The following TTLL12 variants were observed in gnomAD, a reference collection of about 807,000 sequenced individuals.
TTLL12 encodes the protein tubulin tyrosine ligase like 12, also known as tubulin--tyrosine ligase-like protein 12.
A neutral mutation model predicts 79.6 loss-of-function variants in TTLL12; 77 were observed. The observed-to-expected ratio is 0.97, with a 90% CI of 0.81 to 1.17. The LOEUF (loss-of-function observed/expected upper bound fraction) is 1.17, where lower values mean the gene tolerates loss of function less well. TTLL12 is among the 50% of genes most tolerant of loss of function. The pLI is 0.00. For missense variants in TTLL12, 969 were observed against 895.9 expected (o/e 1.08, Z -1.04); for synonymous variants, 437 against 376.1 (o/e 1.16, Z -1.87).
chr22:43,175,420 G>C (rs1931879499), intron 6 of TTLL12: 1 of 152,262 alleles, frequency 6.6e-6, no homozygotes, highest in Non-Finnish European at 1.5e-5. Flanking sequence ...GCCAGCAAAG[G>C]CTCCCTGCTG....
intron 9 of TTLL12, 81 bp downstream of exon 9, chr22:43,173,634 T>C (rs1931820736): frequency 7.3e-7 from 1 of 1,360,588 alleles, no homozygotes; most frequent in Admixed American, 2.1e-5. Context: ...ATAAGGACCA[T>C]GATGCTCGGT....
intron 5 of TTLL12, among the ~76,000 whole-genome samples, chr22:43,177,225 G>A (rs746609938): frequency 4.0e-5 from 6 of 151,560 alleles, no homozygotes; most frequent in African/African-American, 7.3e-5. Flanking sequence ...AATAATTAGC[G>A]GGGCTTGGTA....
rs1214636681 is a variant in TTLL12, at chr22:43,174,356, C to T, written c.1082G>A (p.Cys361Tyr). ...RPGVLLNQFP[C>Y]ENLLTVKDCL... ...GTCCTTGACAGTCAGCAGGTTCTCG[C>T]AGGGGAACTGGTTCAGCAGCACGCC... The change falls in exon 8 of 14, where the codon TGC (cysteine) becomes TAC (tyrosine). Residue 361 changes from cysteine to tyrosine, a missense_variant. Coordinates refer to ENST00000216129, the MANE Select transcript of TTLL12 (RefSeq NM_015140.4). The T allele has an allele frequency of 1.9e-6, 3 of 1,592,004 alleles. No individual in the cohort carries two copies. The highest frequency in any genetic ancestry group is 1.3e-5 in the African/African-American group (1 of 74,422).
intron 2 of TTLL12, 77 bp from the exon 3 acceptor site, chr22:43,181,017 G>C: frequency 6.8e-7 from 1 of 1,478,040 alleles, no homozygotes; most frequent in Non-Finnish European, 9.2e-7. Flanking sequence ...AGAGGCCCAG[G>C]GCTGTGTTGG....
intron 2 of TTLL12, among the ~76,000 whole-genome samples, chr22:43,182,331 C>T (rs543094035): frequency 2.6e-5 from 4 of 152,344 alleles, no homozygotes; most frequent in Non-Finnish European, 4.4e-5. Flanking sequence ...ACTGCCCACT[C>T]CCAGCTGGAG....
At chr22:43,169,130 C>G (rs1931696609) in intron 12 of TTLL12, among the ~76,000 whole-genome samples, 1 of 152,236 alleles carries the variant, frequency 6.6e-6, no homozygotes, top group Non-Finnish European at 1.5e-5. Context: ...TGCCGCAGAC[C>G]CCGTTGCTCC....
chr22:43,169,889 C>T (rs1433089144), intron 11 of TTLL12: 1 of 476,280 alleles, frequency 2.1e-6, no homozygotes, highest in Non-Finnish European at 4.2e-6. Context: ...ACATCGAGGG[C>T]TCCAGAAACT....
At chr22:43,168,195 G>A (rs769969574) in intron 13 of TTLL12, 36 bp from the exon 14 acceptor site, 16 of 1,604,976 alleles carry the variant, frequency 1.0e-5, no homozygotes, top group Admixed American at 1.7e-5. Context: ...GTGAAGGCTC[G>A]TTGGCCTCCA....
At chr22:43,170,934 A>C (rs1931749311) in intron 11 of TTLL12, among the ~76,000 whole-genome samples, 3 of 152,300 alleles carry the variant, frequency 2.0e-5, no homozygotes, top group Middle Eastern at 3.4e-3. Flanking sequence ...AAAACAAAAC[A>C]AAAAACCTAA....
chr22:43,167,892 G>A lies in TTLL12; in HGVS notation c.*116C>T. The A allele has an allele frequency of 3.7e-6, 5 of 1,357,684 alleles. No individual in the cohort carries two copies. The highest frequency in any genetic ancestry group is 5.1e-6 in the Non-Finnish European group (5 of 985,526). 84.1% of individuals were successfully genotyped at this position (1,357,684 alleles called of 1,614,324 possible). ...TGGCTCGGCAGGACAGAGGCCTGGG[G>A]CTGAGGCTATGCCCAGGGCCGGTGT... is the stretch of plus-strand genomic sequence containing the variant. On this transcript the variant is annotated 3_prime_UTR_variant, in exon 14 of 14. Coordinates refer to ENST00000216129, the MANE Select transcript of TTLL12 (RefSeq NM_015140.4).
In TTLL12 at chr22:43,179,545, C is replaced by T. The variant is rs192227431; in HGVS notation, c.840+74G>A. On this transcript the variant is annotated intron_variant, in intron 5 of 13. Coordinates refer to ENST00000216129, the MANE Select transcript of TTLL12 (RefSeq NM_015140.4). Reference sequence around the variant, plus strand: ...CTGGCACCCGGCTGGGGTTTGATAACATTTGGTGTGTGCACAGAGAACATT... The same window carrying T: ...CTGGCACCCGGCTGGGGTTTGATAATATTTGGTGTGTGCACAGAGAACATT... The T allele has an allele frequency of 7.0e-5, 103 of 1,471,874 alleles. No homozygotes were observed. The East Asian group carries it at 2.5e-3, about 36-fold the overall frequency. The allele number at this position is 1,471,874 out of a possible 1,614,324, so 91.2% of individuals were successfully genotyped here.
At chr22:43,186,198 C>CCCG (rs1555982135) in intron 1 of TTLL12, among the ~76,000 whole-genome samples, 26 of 148,682 alleles carry the variant, frequency 1.7e-4, no homozygotes, top group Non-Finnish European at 3.0e-4. Context: ...CACCCCCCCC[C>CCCG]CCGCCAGCCC....
intron 6 of TTLL12, chr22:43,175,337 A>G (rs1931877030): frequency 6.6e-6 from 1 of 152,280 alleles, no homozygotes; most frequent in South Asian, 2.1e-4. Flanking sequence ...CTCAACAGCC[A>G]CACCTGCAGC....
chr22:43,174,208 C>G lies in TTLL12; in HGVS notation c.1229+1G>C, dbSNP rs1465876725. The G allele has an allele frequency of 2.5e-6, 4 of 1,601,046 alleles. No homozygotes were observed. In the South Asian group the frequency reaches 3.3e-5, roughly 13 times the overall value. On this transcript the variant is annotated splice_donor_variant, in intron 8 of 13. Transcript: ENST00000216129. LOFTEE classifies it high-confidence loss of function. Reference sequence around the variant, plus strand: ...ACACCGATGCCGTGTCTGGGACTTACCACCTTTCCCGCTGCTGGAAGTAGC... The same window carrying G: ...ACACCGATGCCGTGTCTGGGACTTAGCACCTTTCCCGCTGCTGGAAGTAGC...
chr22:43,172,063 C>T (rs1931781274), intron 10 of TTLL12, among the ~76,000 whole-genome samples, 163 bp from the exon 11 acceptor site: 1 of 152,214 alleles, frequency 6.6e-6, no homozygotes, highest in South Asian at 2.1e-4. Context: ...GCTGGGGGAG[C>T]CCCACAGCCC....
At chr22:43,169,914 G>A (rs1044157911) in intron 11 of TTLL12, 4 of 467,098 alleles carry the variant, frequency 8.6e-6, no homozygotes, top group Non-Finnish European at 1.7e-5. Flanking sequence ...GGCCTGGGCT[G>A]GCACCATCCT....
At chr22:43,176,990 A>C (rs946239359) in intron 5 of TTLL12, among the ~76,000 whole-genome samples, 17 of 152,166 alleles carry the variant, frequency 1.1e-4, no homozygotes, top group Admixed American at 2.0e-4. Flanking sequence ...GGGGGCGAGA[A>C]GGTGCCAAAC....
rs141714754 is a variant in TTLL12 at position 43,168,840 on chromosome 22, C to T, written c.1717G>A (p.Asp573Asn). The change falls in exon 13 of 14, where the codon GAC (aspartate) becomes AAC (asparagine). Residue 573 changes from aspartate to asparagine, a missense_variant. By Grantham distance (23) the Asp-to-Asn change is conservative. Transcript: ENST00000216129. ...TACATGGCCCGGGATGAGGGGTAGT[C>T]GCAGAGGCCCAGGGGTGGTGGCTTG... ...CAKPPPLGLCDYPSSRAMYAV... is the reference protein window; with the variant it reads ...CAKPPPLGLCNYPSSRAMYAV... 1.2e-4 allele frequency: 186 copies of T among 1,602,216 alleles called. No individual in the cohort carries two copies. The highest frequency in any genetic ancestry group is 1.4e-4 in the Non-Finnish European group (166 of 1,174,994).
chr22:43,179,979 C>T lies in TTLL12; in HGVS notation c.568G>A (p.Val190Met). The change falls in exon 4 of 14, where the codon GTG becomes ATG. Residue 190 changes from valine to methionine, a missense_variant. Val to Met is a conservative substitution (Grantham distance 21). Transcript: ENST00000216129. ...CCGAACTCGTCCATGATATACCACACCGGCATCTTCTCCTCAGCTGTCTGC... is the reference window on the plus strand; with the variant it reads ...CCGAACTCGTCCATGATATACCACATCGGCATCTTCTCCTCAGCTGTCTGC... ...AHGTAEEKMP[V>M]WYIMDEFGSR... is the part of the protein sequence containing the mutation. 1.9e-6 allele frequency: 3 copies of T among 1,603,614 alleles called. No individual in the cohort carries two copies. Among genetic ancestry groups the T allele is most frequent in the Non-Finnish European group, 2.5e-6 (3 of 1,176,848 alleles).
Sources: gnomAD v4.1 joint callset for allele counts (sites outside exome capture counted in the v4.1 genomes callset) on GRCh38, gnomAD v4.1.1 for gene constraint, MANE v1.5 for transcripts, NCBI Gene and HGNC (gene_info 2026-07-23, HGNC 2026-07-21) for gene names.